RALGAPA1: variants seen among roughly 807,000 people sequenced by gnomAD.
The protein encoded by RALGAPA1 is Ral GTPase activating protein catalytic subunit alpha 1.
A neutral mutation model predicts 269.6 loss-of-function variants in RALGAPA1; 52 were observed. That is an observed-to-expected ratio of 0.19 (90% CI 0.15 to 0.24). The LOEUF (loss-of-function observed/expected upper bound fraction) is 0.24, where lower values mean the gene tolerates loss of function less well. Ranked by LOEUF, RALGAPA1 falls within the 10% of genes least tolerant of loss-of-function variation. RALGAPA1 has a pLI of 1.00. For synonymous variants in RALGAPA1, 817 were observed against 1,008.3 expected (o/e 0.81, Z 3.60); for missense variants, 1,917 against 3,013.9 (o/e 0.64, Z 8.52).
At chr14:35,782,167 T>C (rs2075479321) in intron 1 of RALGAPA1, among the ~76,000 whole-genome samples, 1 of 152,174 alleles carries the variant, frequency 6.6e-6, no homozygotes, top group Non-Finnish European at 1.5e-5. Flanking sequence ...ATCAACTGTA[T>C]TTCTATACAC....
intron 4 of RALGAPA1, among the ~76,000 whole-genome samples, chr14:35,769,241 A>T (rs925260912): frequency 1.3e-5 from 2 of 151,846 alleles, no homozygotes; most frequent in African/African-American, 4.8e-5. Flanking sequence ...AAAATCAAGG[A>T]TGAAAGCGGA....
chr14:35,687,242 T>A (rs2066021116), intron 18 of RALGAPA1, among the ~76,000 whole-genome samples: 1 of 152,250 alleles, frequency 6.6e-6, no homozygotes, highest in Admixed American at 6.5e-5. Flanking sequence ...TTGATTTTTT[T>A]ATCACTACAT....
At chr14:35,739,161 G>C (rs1344077899) in intron 11 of RALGAPA1, among the ~76,000 whole-genome samples, 1 of 152,106 alleles carries the variant, frequency 6.6e-6, no homozygotes, top group Non-Finnish European at 1.5e-5. Context: ...GCTGTAACAA[G>C]TCTTACAGAC....
chr14:35,692,527 T>C (rs1423125402), intron 17 of RALGAPA1, among the ~76,000 whole-genome samples: 1 of 150,660 alleles, frequency 6.6e-6, no homozygotes, highest in Non-Finnish European at 1.5e-5. Flanking sequence ...TTACCATATA[T>C]GACTATCTAA....
chr14:35,771,860 A>G (rs555531862), intron 3 of RALGAPA1, among the ~76,000 whole-genome samples: 3 of 152,126 alleles, frequency 2.0e-5, no homozygotes, highest in Non-Finnish European at 2.9e-5. Context: ...TATATTGTGG[A>G]TATCACTGAT....
At chr14:35,567,234 T>A (rs1050467263) in intron 39 of RALGAPA1, among the ~76,000 whole-genome samples, 3 of 152,070 alleles carry the variant, frequency 2.0e-5, no homozygotes, top group Non-Finnish European at 4.4e-5. Flanking sequence ...CAAGATTGGC[T>A]ATTAAAAACA....
At chr14:35,556,214 A>G (rs1311387112) in intron 39 of RALGAPA1, among the ~76,000 whole-genome samples, 1 of 152,206 alleles carries the variant, frequency 6.6e-6, no homozygotes, top group Non-Finnish European at 1.5e-5. Flanking sequence ...TTGCAAGTAC[A>G]TCTCAAGGAT....
chr14:35,745,139 G>A (rs2071928552), intron 10 of RALGAPA1, among the ~76,000 whole-genome samples: 1 of 152,094 alleles, frequency 6.6e-6, no homozygotes, highest in South Asian at 2.1e-4. Context: ...AAAAACTGAT[G>A]TATAAAACCA....
At chr14:35,697,547 C>T (rs1284072020) in intron 17 of RALGAPA1, among the ~76,000 whole-genome samples, 2 of 151,922 alleles carry the variant, frequency 1.3e-5, no homozygotes, top group Non-Finnish European at 2.9e-5. Context: ...GGGGTTTCAT[C>T]GCGTTAGCCA....
At chr14:35,670,710 G>A (rs1234333138) in intron 26 of RALGAPA1, among the ~76,000 whole-genome samples, 1 of 152,168 alleles carries the variant, frequency 6.6e-6, no homozygotes, top group East Asian at 1.9e-4. Flanking sequence ...AGATCACAAG[G>A]TCAGGAGTTC....
At chr14:35,728,775 C>A (rs1194765574) in intron 12 of RALGAPA1, among the ~76,000 whole-genome samples, 1 of 151,638 alleles carries the variant, frequency 6.6e-6, no homozygotes, top group Non-Finnish European at 1.5e-5. Flanking sequence ...TTTAGTCACC[C>A]AGGCTGGAAT....
chr14:35,798,231 G>A (rs542733833), intron 1 of RALGAPA1, among the ~76,000 whole-genome samples: 3 of 150,158 alleles, frequency 2.0e-5, no homozygotes, highest in South Asian at 4.2e-4. Context: ...GTGTGCAGGG[G>A]CATGAACACG....
chr14:35,763,797 G>C (rs922254659), intron 4 of RALGAPA1, among the ~76,000 whole-genome samples: 1 of 151,662 alleles, frequency 6.6e-6, no homozygotes, highest in African/African-American at 2.4e-5. Flanking sequence ...TATATATAGA[G>C]AGAGAGAGAG....
At chr14:35,743,902 A>G (rs1436970172) in intron 10 of RALGAPA1, among the ~76,000 whole-genome samples, 2 of 152,026 alleles carry the variant, frequency 1.3e-5, no homozygotes, top group Non-Finnish European at 2.9e-5. Flanking sequence ...TGGGATCTTA[A>G]AAAAAATATT....
intron 19 of RALGAPA1, among the ~76,000 whole-genome samples, chr14:35,685,682 T>C (rs2065863381): frequency 6.6e-6 from 1 of 152,142 alleles, no homozygotes; most frequent in Non-Finnish European, 1.5e-5. Context: ...GGTGGGCAGA[T>C]CACCTGAGGT....
At chr14:35,800,936 C>T (rs757624561) in intron 1 of RALGAPA1, among the ~76,000 whole-genome samples, 1 of 151,838 alleles carries the variant, frequency 6.6e-6, no homozygotes, top group Non-Finnish European at 1.5e-5. Flanking sequence ...ACCTGGGAGG[C>T]GGAGGTTGCA....
intron 26 of RALGAPA1, among the ~76,000 whole-genome samples, chr14:35,669,715 T>C (rs1466953339): frequency 1.3e-5 from 2 of 152,238 alleles, no homozygotes; most frequent in East Asian, 3.8e-4. Flanking sequence ...TGGTATCTAT[T>C]TGATGCCCAA....
intron 22 of RALGAPA1, among the ~76,000 whole-genome samples, chr14:35,675,170 A>G (rs1024754664): frequency 2.0e-5 from 3 of 152,146 alleles, no homozygotes; most frequent in Non-Finnish European, 2.9e-5. Context: ...GAGTTAGCAT[A>G]ATGGCATGAA....
At chr14:35,659,431 G>A (rs1186728688) in intron 27 of RALGAPA1, among the ~76,000 whole-genome samples, 1 of 152,034 alleles carries the variant, frequency 6.6e-6, no homozygotes, top group Non-Finnish European at 1.5e-5. Context: ...ATAAAGGCAG[G>A]TAATTAAAGT....
Sources: gnomAD v4.1 joint callset for allele counts (sites outside exome capture counted in the v4.1 genomes callset) on GRCh38, gnomAD v4.1.1 for gene constraint, MANE v1.5 for transcripts, NCBI Gene and HGNC (gene_info 2026-07-23, HGNC 2026-07-21) for gene names.